SDK1: variants seen among roughly 807,000 people sequenced by gnomAD.
SDK1 encodes the protein sidekick cell adhesion molecule 1.
In SDK1, 157 loss-of-function variants were observed where a neutral mutation model predicts 245.5. The ratio of observed to expected loss-of-function variants is 0.64; its 90% confidence interval spans 0.56 to 0.73. The LOEUF (loss-of-function observed/expected upper bound fraction) is 0.73, where lower values mean the gene tolerates loss of function less well. Among genes scored for constraint, SDK1 ranks in the 30% least tolerant of loss-of-function variants. SDK1 has a pLI of 0.00. For synonymous variants in SDK1, 1,647 were observed against 1,278.5 expected (o/e 1.29, Z -6.15); for missense variants, 3,583 against 3,002.3 (o/e 1.19, Z -4.52).
At chr7:3,454,123 A>G (rs576812737) in intron 1 of SDK1, among the ~76,000 whole-genome samples, 1 of 152,182 alleles carries the variant, frequency 6.6e-6, no homozygotes, top group Non-Finnish European at 1.5e-5. Context: ...TTTTACTTAT[A>G]TAAACTTGGA....
chr7:3,932,218 G>A (rs1360366540), intron 5 of SDK1, among the ~76,000 whole-genome samples: 1 of 152,196 alleles, frequency 6.6e-6, no homozygotes, highest in African/African-American at 2.4e-5. Context: ...CCTCACTAAT[G>A]CTTGTGATAA....
chr7:3,477,954 G>C (rs1432823290), intron 1 of SDK1, among the ~76,000 whole-genome samples: 2 of 152,132 alleles, frequency 1.3e-5, no homozygotes, highest in African/African-American at 2.4e-5. Flanking sequence ...GTGTGTTAGA[G>C]ATCTGCCTTT....
intron 2 of SDK1, among the ~76,000 whole-genome samples, chr7:3,620,069 G>C (rs7807210): frequency 0.082 from 12,547 of 152,180 alleles, 951 homozygotes; most frequent in East Asian, 0.35. Flanking sequence ...TCGCTGCCAT[G>C]CTTTTCTTTA....
At chr7:4,079,369 G>GT in intron 21 of SDK1, 94 bp from the exon 22 acceptor site, 1 of 1,456,328 alleles carries the variant, frequency 6.9e-7, no homozygotes, top group Non-Finnish European at 9.5e-7. Flanking sequence ...GAATCGTTTT[G>GT]AAACTGTTTA....
chr7:3,605,385 T>C (rs1238667206), intron 1 of SDK1, among the ~76,000 whole-genome samples: 1 of 152,218 alleles, frequency 6.6e-6, no homozygotes, highest in African/African-American at 2.4e-5. Context: ...AGGAAAAATA[T>C]TCTCAAGGAA....
intron 44 of SDK1, among the ~76,000 whole-genome samples, chr7:4,251,054 T>C (rs531535636): frequency 6.6e-5 from 10 of 152,364 alleles, no homozygotes; most frequent in Non-Finnish European, 1.0e-4. Flanking sequence ...GATTGGCTTA[T>C]TTCATTCAGC....
intron 5 of SDK1, among the ~76,000 whole-genome samples, chr7:3,866,761 A>G (rs1225378625): frequency 6.6e-6 from 1 of 152,140 alleles, no homozygotes; most frequent in African/African-American, 2.4e-5. Context: ...GGGCACAGGA[A>G]TGGCATGCTG....
intron 5 of SDK1, among the ~76,000 whole-genome samples, chr7:3,945,154 A>T (rs1372938327): frequency 1.3e-5 from 2 of 152,178 alleles, no homozygotes; most frequent in African/African-American, 2.4e-5. Context: ...AACCCCTCAA[A>T]CTGTAAGCAG....
At chr7:3,627,864 C>T (rs796542278) in intron 2 of SDK1, among the ~76,000 whole-genome samples, 2 of 152,210 alleles carry the variant, frequency 1.3e-5, no homozygotes, top group Admixed American at 1.3e-4. Flanking sequence ...CCCCATTGGG[C>T]TATTTACATA....
At chr7:3,723,790 TTATAC>T (rs1562397297) in intron 4 of SDK1, among the ~76,000 whole-genome samples, 2 of 115,882 alleles carry the variant, frequency 1.7e-5, no homozygotes, top group African/African-American at 8.2e-5. Flanking sequence ...ATACACGTAC[TTATAC>T]ATATACACGT....
intron 5 of SDK1, among the ~76,000 whole-genome samples, chr7:3,834,671 C>T (rs1779990994): frequency 1.3e-5 from 2 of 152,170 alleles, no homozygotes; most frequent in Admixed American, 1.3e-4. Flanking sequence ...TTTAATACAA[C>T]CCCATTCCAA....
In SDK1 at chr7:3,701,924, C is replaced by CAAAAAAAA. The variant is rs58687135; in HGVS notation, c.713+59833_713+59840dup. On this transcript the variant is annotated intron_variant, in intron 4 of 44. Transcript: ENST00000404826. The stretch of plus-strand genomic sequence containing the variant: ...GCTAGAGTGGTTGGACGTGCATAAG[C>CAAAAAAAA]AAAAAAAAAAAAAAAAAAAAAGAAA... 6.7e-3 allele frequency among the ~76,000 whole-genome samples: 566 copies of CAAAAAAAA among 84,556 alleles called. 1 individual carries two copies. The highest frequency in any genetic ancestry group is 0.01 in the Non-Finnish European group (389 of 38,828). 55.5% of individuals were successfully genotyped at this position (84,556 alleles called of 152,430 possible).
intron 14 of SDK1, among the ~76,000 whole-genome samples, chr7:3,992,791 G>C: frequency 6.6e-6 from 1 of 152,108 alleles, no homozygotes; most frequent in East Asian, 1.9e-4. Flanking sequence ...GCTTTCCATC[G>C]TCTTTGGGCT....
intron 1 of SDK1, among the ~76,000 whole-genome samples, chr7:3,547,950 G>C (rs1297581450): frequency 6.6e-6 from 1 of 152,218 alleles, no homozygotes; most frequent in African/African-American, 2.4e-5. Context: ...GGAAAGCATA[G>C]TCAGTGTCTT....
intron 4 of SDK1, among the ~76,000 whole-genome samples, chr7:3,700,389 T>C (rs547425706): frequency 1.3e-5 from 2 of 152,254 alleles, no homozygotes; most frequent in East Asian, 3.9e-4. Flanking sequence ...TAGTTCACAG[T>C]GATATAGAGG....
intron 1 of SDK1, among the ~76,000 whole-genome samples, chr7:3,486,188 T>G (rs1014730574): frequency 6.6e-6 from 1 of 152,034 alleles, no homozygotes; most frequent in African/African-American, 2.4e-5. Flanking sequence ...ATTCTTCTAG[T>G]ATCTGTTTTG....
intron 1 of SDK1, among the ~76,000 whole-genome samples, chr7:3,446,088 C>G (rs530296464): frequency 8.7e-4 from 133 of 152,092 alleles, no homozygotes; most frequent in African/African-American, 3.1e-3. Flanking sequence ...CCCTTCTGGT[C>G]CTCTTTAGTT....
intron 1 of SDK1, among the ~76,000 whole-genome samples, chr7:3,605,733 A>G (rs919661718): frequency 3.3e-5 from 5 of 152,210 alleles, no homozygotes; most frequent in African/African-American, 1.2e-4. Flanking sequence ...GTTTCAGAGT[A>G]AAATTATTTC....
chr7:3,671,700 A>G (rs1783706262), intron 4 of SDK1, among the ~76,000 whole-genome samples: 1 of 152,234 alleles, frequency 6.6e-6, no homozygotes, highest in Non-Finnish European at 1.5e-5. Context: ...GTTGTCATTC[A>G]GTACAAAATA....
Sources: allele counts gnomAD v4.1 joint callset (sites outside exome capture counted in the v4.1 genomes callset), GRCh38; gene constraint gnomAD v4.1.1; transcripts MANE v1.5; gene names NCBI Gene and HGNC (gene_info 2026-07-23, HGNC 2026-07-21).